GPR137C: variants seen among roughly 807,000 people sequenced by gnomAD.
GPR137C encodes integral membrane protein GPR137C.
GPR137C carries 27 observed loss-of-function variants against 43.4 expected under a neutral mutation model. The ratio of observed to expected loss-of-function variants is 0.62; its 90% CI spans 0.46 to 0.86. The LOEUF is 0.86. Among genes scored for constraint, GPR137C ranks in the 40% least tolerant of loss-of-function variants. The pLI is 0.00. For missense variants in GPR137C, 522 were observed against 534.6 expected (o/e 0.98, Z 0.23); for synonymous variants, 285 against 226.9 (o/e 1.26, Z -2.30).
chr14:52,561,579 G>C (rs542778902), intron 1 of GPR137C, among the ~76,000 whole-genome samples: 42 of 152,266 alleles, frequency 2.8e-4, no homozygotes, highest in African/African-American at 9.9e-4. Flanking sequence ...AATTAACCCA[G>C]ATGTTCATCA....
chr14:52,603,370 A>G (rs964460891), intron 3 of GPR137C, among the ~76,000 whole-genome samples: 14 of 152,164 alleles, frequency 9.2e-5, no homozygotes, highest in African/African-American at 3.1e-4. Context: ...GGTTGATTCC[A>G]TATCTTGGCT....
At chr14:52,613,277 C>G (rs1398714195) in intron 3 of GPR137C, 1 of 151,232 alleles carries the variant, frequency 6.6e-6, no homozygotes, top group East Asian at 1.9e-4. Context: ...ATTTCTGATA[C>G]AGGCATGAGA....
chr14:52,627,345 A>G (rs1044547134), intron 3 of GPR137C, among the ~76,000 whole-genome samples: 1 of 152,182 alleles, frequency 6.6e-6, no homozygotes, highest in African/African-American at 2.4e-5. Flanking sequence ...GTGAGCTTTG[A>G]TCACACCAAA....
chr14:52,629,047 A>G (rs977339474), intron 3 of GPR137C, among the ~76,000 whole-genome samples: 2 of 152,230 alleles, frequency 1.3e-5, no homozygotes, highest in Non-Finnish European at 2.9e-5. Flanking sequence ...TCATCTGGGA[A>G]ATGCAAATTA....
chr14:52,625,942 C>T lies in GPR137C; in HGVS notation c.718-6218C>T, dbSNP rs184110079. On this transcript the variant is annotated intron_variant, in intron 3 of 6. Coordinates refer to ENST00000321662, the MANE Select transcript of GPR137C (RefSeq NM_001099652.2). Reference sequence around the variant, plus strand: ...AGATAGAGTGGCAGCCCTCTGTATTCACAGGTCCTACATCCGTGGATTCAA... The same window carrying T: ...AGATAGAGTGGCAGCCCTCTGTATTTACAGGTCCTACATCCGTGGATTCAA... Among the ~76,000 whole-genome samples, 612 of 152,138 alleles carry T rather than the reference C, an allele frequency of 4.0e-3. 1 individual carries two copies. The highest frequency in any genetic ancestry group is 5.1e-3 in the Non-Finnish European group (350 of 67,992).
chr14:52,570,025 A>G (rs1387359329), intron 1 of GPR137C, among the ~76,000 whole-genome samples: 1 of 152,208 alleles, frequency 6.6e-6, no homozygotes, highest in Admixed American at 6.5e-5. Flanking sequence ...AAGAAGAGCA[A>G]TGCAAGACAC....
At position 52,633,546 on chromosome 14, in the gene GPR137C, T is replaced by C. The variant is rs1277117794; in HGVS notation, c.884T>C (p.Ile295Thr). Reference sequence around the variant, plus strand: ...TATTTACAGGCTCATGTAGAAGACATAAGTGGAGAAGAGTATATAGTATTT... The same window carrying C: ...TATTTACAGGCTCATGTAGAAGACACAAGTGGAGAAGAGTATATAGTATTT... ...NLSDKAHVED[I>T]SGEEYIVFGM... Residue 295 changes from isoleucine to threonine, a missense_variant, in exon 5 of 7, where the codon ATA becomes ACA. By Grantham distance (89) the Ile-to-Thr change is moderately conservative (BLOSUM62 -1). This residue lies in a region of GPR137C where 437 missense variants were observed against 425.7 expected (regional missense o/e 1.03). Coordinates refer to ENST00000321662, the MANE Select transcript of GPR137C (RefSeq NM_001099652.2). 5 of 1,612,210 alleles carry C rather than the reference T, an allele frequency of 3.1e-6. No homozygotes were observed. In the South Asian group the frequency reaches 3.3e-5, roughly 11 times the overall value.
At chr14:52,557,832 A>T (rs1046994731) in intron 1 of GPR137C, among the ~76,000 whole-genome samples, 2 of 152,224 alleles carry the variant, frequency 1.3e-5, no homozygotes, top group African/African-American at 2.4e-5. Context: ...AGTCTTATCA[A>T]GTAATTTGTT....
intron 3 of GPR137C, among the ~76,000 whole-genome samples, chr14:52,614,002 C>T (rs2039068365): frequency 6.6e-6 from 1 of 152,162 alleles, no homozygotes; most frequent in South Asian, 2.1e-4. Flanking sequence ...TCCTCACAAC[C>T]TTACCAGTAT....
chr14:52,599,408 C>T (rs1181088500), intron 2 of GPR137C, among the ~76,000 whole-genome samples: 1 of 149,618 alleles, frequency 6.7e-6, no homozygotes, highest in Admixed American at 6.7e-5. Context: ...TTAAAACATA[C>T]TTTAACTCTT....
intron 1 of GPR137C, among the ~76,000 whole-genome samples, chr14:52,585,090 G>T (rs745845343): frequency 2.6e-5 from 4 of 152,054 alleles, no homozygotes; most frequent in Non-Finnish European, 5.9e-5. Flanking sequence ...CACAAGAAGT[G>T]ACCTTGCCAC....
intron 1 of GPR137C, among the ~76,000 whole-genome samples, chr14:52,589,423 CAT>C (rs1364724697): frequency 1.3e-5 from 2 of 151,998 alleles, no homozygotes; most frequent in Non-Finnish European, 2.9e-5. Flanking sequence ...TTAAATAAAT[CAT>C]GTATGGGGGG....
Position 52,628,003 on chromosome 14 carries a change from A to G in GPR137C, c.718-4157A>G, listed in dbSNP as rs143324681. Among the ~76,000 whole-genome samples the G allele has an allele frequency of 1.7e-3, 262 of 152,356 alleles. 1 individual carries two copies. The highest frequency in any genetic ancestry group is 5.9e-3 in the African/African-American group (245 of 41,584). The stretch of plus-strand genomic sequence containing the variant: ...CAACAAGAACTGTTTAGGAACTTTT[A>G]GTTTAATTTAAATGTAAATACTCTC... On this transcript the variant is annotated intron_variant, in intron 3 of 6. Transcript: ENST00000321662.
chr14:52,619,718 A>G (rs763395743), intron 3 of GPR137C, among the ~76,000 whole-genome samples: 1 of 152,148 alleles, frequency 6.6e-6, no homozygotes, highest in African/African-American at 2.4e-5. Context: ...CCACCCAGTA[A>G]AAGCCATCCA....
At chr14:52,563,145 C>G (rs2038312099) in intron 1 of GPR137C, among the ~76,000 whole-genome samples, 1 of 152,128 alleles carries the variant, frequency 6.6e-6, no homozygotes, top group Admixed American at 6.5e-5. Context: ...ATATCTTTCC[C>G]CTTATCACTG....
At chr14:52,556,316 ACTT>A (rs898004546) in intron 1 of GPR137C, among the ~76,000 whole-genome samples, 4 of 151,940 alleles carry the variant, frequency 2.6e-5, no homozygotes, top group African/African-American at 9.7e-5. Flanking sequence ...AAACTCTACT[ACTT>A]TGAATACATT....
At chr14:52,581,241 G>A (rs1594788990) in intron 1 of GPR137C, among the ~76,000 whole-genome samples, 1 of 148,612 alleles carries the variant, frequency 6.7e-6, no homozygotes, top group African/African-American at 2.5e-5. Flanking sequence ...AGACATAGAA[G>A]GTGAACATCT....
chr14:52,578,787 T>C (rs529234711), intron 1 of GPR137C, among the ~76,000 whole-genome samples: 2 of 152,014 alleles, frequency 1.3e-5, no homozygotes, highest in South Asian at 4.2e-4. Flanking sequence ...CTACTAAAAA[T>C]AGAAAAATTA....
intron 1 of GPR137C, among the ~76,000 whole-genome samples, chr14:52,578,266 C>T (rs555343417): frequency 7.2e-5 from 11 of 152,040 alleles, no homozygotes; most frequent in East Asian, 3.9e-4. Context: ...TGATTTTCTC[C>T]GCTTCTTTAT....
Sources: gnomAD v4.1 joint callset for allele counts (sites outside exome capture counted in the v4.1 genomes callset) on GRCh38, gnomAD v4.1.1 for gene constraint, gnomAD v4.1.1 regional missense constraint, MANE v1.5 for transcripts, NCBI Gene and HGNC (gene_info 2026-07-23, HGNC 2026-07-21) for gene names.